The following HMGCS1 variants were observed in gnomAD, a reference collection of about 807,000 sequenced individuals.
HMGCS1 encodes the protein hydroxymethylglutaryl-CoA synthase, cytoplasmic.
Under a neutral mutation model 52.3 loss-of-function variants are expected in HMGCS1, and 9 were observed. The observed-to-expected ratio is 0.17, with a 90% CI of 0.10 to 0.30. The LOEUF (loss-of-function observed/expected upper bound fraction) is 0.30. Among genes scored for constraint, HMGCS1 ranks in the 10% least tolerant of loss-of-function variants. HMGCS1 has a pLI of 1.00. For synonymous variants in HMGCS1, 176 were observed against 214.4 expected (o/e 0.82, Z 1.57); for missense variants, 320 against 620.9 (o/e 0.52, Z 5.15).
intron 4 of HMGCS1, 131 bp downstream of exon 4, chr5:43,297,878 C>G: frequency 5.4e-6 from 3 of 551,822 alleles, no homozygotes; most frequent in Non-Finnish European, 8.9e-6. Context: ...AATATGATAA[C>G]ACACATAAAG....
intron 4 of HMGCS1, among the ~76,000 whole-genome samples, chr5:43,297,785 C>A (rs1180013838): frequency 2.0e-5 from 3 of 151,120 alleles, no homozygotes; most frequent in Non-Finnish European, 2.9e-5. Context: ...TTGCAGTGAG[C>A]CGAGATCGTG....
Position 43,289,386 on chromosome 5 carries a change from T to G in HMGCS1, c.*1745A>C, listed in dbSNP as rs566937312. 1 of 152,714 alleles carries G rather than the reference T, an allele frequency of 6.5e-6. No individual in the cohort carries two copies. Among genetic ancestry groups the G allele is most frequent in the Admixed American group, 6.5e-5 (1 of 15,296 alleles). 9.5% of individuals were successfully genotyped at this position (152,714 alleles called of 1,614,324 possible). A position where few individuals can be genotyped will look rare whatever the true frequency, so the allele number is the denominator to read the frequency against. Reference sequence around the variant, plus strand: ...TTAGTTCAAGAGTGAAAAAGAATACTCAAGTATCTGAAACATTTCTCTAAA... The same window carrying G: ...TTAGTTCAAGAGTGAAAAAGAATACGCAAGTATCTGAAACATTTCTCTAAA... On this transcript the variant is annotated 3_prime_UTR_variant, in exon 11 of 11. Coordinates refer to ENST00000325110, the MANE Select transcript of HMGCS1 (RefSeq NM_001098272.3).
chr5:43,309,980 A>G (rs943898981), intron 1 of HMGCS1, among the ~76,000 whole-genome samples: 1 of 152,224 alleles, frequency 6.6e-6, no homozygotes, highest in South Asian at 2.1e-4. Context: ...CCTTGATTCA[A>G]AGAAGTGGTT....
intron 5 of HMGCS1, among the ~76,000 whole-genome samples, chr5:43,296,190 A>T (rs369436660): frequency 1.4e-5 from 2 of 147,634 alleles, no homozygotes; most frequent in Non-Finnish European, 3.0e-5. Flanking sequence ...TATTTTTTTT[A>T]AATAAAAGAG....
In HMGCS1 at chr5:43,292,894, A is replaced by G; in HGVS notation, c.1263T>C (p.Asp421=). The change falls in exon 9 of 11, where the codon GAT becomes GAC. Residue 421 remains aspartate, a synonymous_variant. Coordinates refer to ENST00000325110, the MANE Select transcript of HMGCS1 (RefSeq NM_001098272.3). Reference sequence around the variant, plus strand: ...TGAGCTTCATGTTTTCAGCGAAGACATCTGGTGCCACACCAGTTCTTGAAT... The same window carrying G: ...TGAGCTTCATGTTTTCAGCGAAGACGTCTGGTGCCACACCAGTTCTTGAAT... ...RLDSRTGVAP[D]VFAENMKLRE... 1 of 1,610,550 alleles carries G rather than the reference A, an allele frequency of 6.2e-7. No individual in the cohort carries two copies. Among genetic ancestry groups the G allele is most frequent in the Non-Finnish European group, 8.5e-7 (1 of 1,179,126 alleles).
At position 43,298,992 on chromosome 5, in the gene HMGCS1, C is replaced by T. The variant is rs750564374; in HGVS notation, c.-10-17G>A. Reference sequence around the variant, plus strand: ...GTGAAAGAGCTTTAGAAAGGAGAAACAGAAAAAAAATTGTTTTAGGTTATA... The same window carrying T: ...GTGAAAGAGCTTTAGAAAGGAGAAATAGAAAAAAAATTGTTTTAGGTTATA... On this transcript the variant is annotated splice_polypyrimidine_tract_variant and intron_variant, in intron 2 of 10. Coordinates refer to ENST00000325110, the MANE Select transcript of HMGCS1 (RefSeq NM_001098272.3). This position sits in a 1 kb window ranked among gnomAD's most constrained non-coding sequence, Gnocchi z 5.6. The T allele has an allele frequency of 7.7e-6, 12 of 1,551,366 alleles. No individual in the cohort carries two copies. Among genetic ancestry groups the T allele is most frequent in the Non-Finnish European group, 1.0e-5 (12 of 1,153,024 alleles).
rs1283984086 is a variant in HMGCS1, at chr5:43,292,777, C to T, written c.1309+71G>A. ...CTGAGTAAAGTCTTGATATCCTTAT[C>T]GTATATGTAGCATCCTTAATGATAT... is the stretch of plus-strand genomic sequence containing the variant. On this transcript the variant is annotated intron_variant, in intron 9 of 10. Coordinates refer to ENST00000325110, the MANE Select transcript of HMGCS1 (RefSeq NM_001098272.3). The T allele has an allele frequency of 3.3e-6, 5 of 1,534,312 alleles. No individual in the cohort carries two copies. In the South Asian group the frequency reaches 3.4e-5, roughly 10 times the overall value.
intron 10 of HMGCS1, among the ~76,000 whole-genome samples, chr5:43,291,572 A>C (rs1052439820): frequency 6.6e-6 from 1 of 152,100 alleles, no homozygotes; most frequent in African/African-American, 2.4e-5. Flanking sequence ...CATTTACCAA[A>C]CTTGTAGTAA....
At position 43,295,742 on chromosome 5, in the gene HMGCS1, C is replaced by G; in HGVS notation, c.905+10G>C. On this transcript the variant is annotated intron_variant, in intron 6 of 10. Transcript: ENST00000325110. ...TATAGAAGGAAAAAACTCATAATAG[C>G]TCCTCTTACCCAAAGGCTTCCAGGC... 1.3e-6 allele frequency: 2 copies of G among 1,598,012 alleles called. No individual in the cohort carries two copies. Among genetic ancestry groups the G allele is most frequent in the Non-Finnish European group, 1.7e-6 (2 of 1,170,736 alleles).
chr5:43,303,091 T>C (rs943819179), intron 2 of HMGCS1, among the ~76,000 whole-genome samples: 2 of 152,244 alleles, frequency 1.3e-5, no homozygotes, highest in Admixed American at 1.3e-4. Flanking sequence ...TGTATCTTAA[T>C]TTAATTGGCA....
chr5:43,309,560 C>T (rs1422824332), intron 1 of HMGCS1, among the ~76,000 whole-genome samples: 4 of 152,026 alleles, frequency 2.6e-5, no homozygotes, highest in Non-Finnish European at 2.9e-5. Flanking sequence ...ATTTTGATTA[C>T]TTAAATTGGA....
At chr5:43,291,534 T>C (rs1371143272) in intron 10 of HMGCS1, among the ~76,000 whole-genome samples, 1 of 152,076 alleles carries the variant, frequency 6.6e-6, no homozygotes, top group African/African-American at 2.4e-5. Context: ...GCTACCTAAT[T>C]TGTATAATAG....
intron 1 of HMGCS1, among the ~76,000 whole-genome samples, chr5:43,311,194 G>A (rs1188261710): frequency 6.6e-6 from 1 of 152,038 alleles, no homozygotes; most frequent in Non-Finnish European, 1.5e-5. Flanking sequence ...GGGTGTGGTG[G>A]CACATGCCGG....
chr5:43,295,972 A>G (rs915513557), intron 5 of HMGCS1, 55 bp from the exon 6 acceptor site: 26 of 1,384,116 alleles, frequency 1.9e-5, no homozygotes, highest in Non-Finnish European at 2.6e-5. Context: ...GAAATTTTAA[A>G]GTTTGACTTT....
At chr5:43,294,247 T>G in intron 7 of HMGCS1, 85 bp from the exon 8 acceptor site, 2 of 808,186 alleles carry the variant, frequency 2.5e-6, no homozygotes, top group Non-Finnish European at 2.1e-6. Context: ...CAATAAAAAT[T>G]TAGGCTATAA....
intron 7 of HMGCS1, 64 bp downstream of exon 7, chr5:43,294,627 G>T: frequency 8.2e-7 from 1 of 1,223,780 alleles, no homozygotes; most frequent in Non-Finnish European, 1.1e-6. Flanking sequence ...CACTAGATTT[G>T]GTCTTAGAAA....
intron 8 of HMGCS1, 60 bp from the exon 9 acceptor site, chr5:43,293,033 G>C (rs1357961185): frequency 1.2e-5 from 18 of 1,444,860 alleles, no homozygotes; most frequent in Non-Finnish European, 1.6e-5. Flanking sequence ...TCCAAAAGAA[G>C]CCTAAGTAAA....
rs2111607819 is a variant in HMGCS1, at chr5:43,289,680, TTA to T, written c.*1449_*1450del. 1 of 152,766 alleles carries T rather than the reference TTA, an allele frequency of 6.5e-6. No individual in the cohort carries two copies. The highest frequency in any genetic ancestry group is 1.5e-5 in the Non-Finnish European group (1 of 68,026). The allele number at this position is 152,766 out of a possible 1,614,324, so 9.5% of individuals were successfully genotyped here. A position where few individuals can be genotyped will look rare whatever the true frequency, so the allele number is the denominator to read the frequency against. On this transcript the variant is annotated 3_prime_UTR_variant, in exon 11 of 11. Coordinates refer to ENST00000325110, the MANE Select transcript of HMGCS1 (RefSeq NM_001098272.3). ...TGTTAAATGAAGTCATTTTAACAAA[TTA>T]TGACTGTACAAATCAAAATACTACT...
chr5:43,299,490 A>T (rs1376757169), intron 2 of HMGCS1, among the ~76,000 whole-genome samples: 1 of 151,402 alleles, frequency 6.6e-6, no homozygotes, highest in Non-Finnish European at 1.5e-5. Context: ...TCTACTAAAA[A>T]TACAAAAGAA....
Sources: allele counts gnomAD v4.1 joint callset (sites outside exome capture counted in the v4.1 genomes callset), GRCh38; gene constraint gnomAD v4.1.1; non-coding constraint Gnocchi (gnomAD v3.1); transcripts MANE v1.5; gene names NCBI Gene and HGNC (gene_info 2026-07-23, HGNC 2026-07-21).